TACR3: variants seen among roughly 807,000 people sequenced by gnomAD.
The protein encoded by TACR3 is tachykinin receptor 3.
In TACR3, 34 loss-of-function variants were observed where a neutral mutation model predicts 35.0. The observed-to-expected ratio is 0.97, with a 90% CI of 0.74 to 1.30. The LOEUF (loss-of-function observed/expected upper bound fraction) is 1.30. TACR3 is among the 50% of genes most tolerant of loss of function. The pLI, the probability that TACR3 is intolerant of heterozygous loss-of-function variation, is 0.00. For missense variants in TACR3, 558 were observed against 591.7 expected, an observed-to-expected ratio of 0.94 and a Z score of 0.59; for synonymous variants, 233 against 221.1, an observed-to-expected ratio of 1.05 and a Z score of -0.48.
chr4:103,669,473 G>A (rs1176887800), intron 1 of TACR3, among the ~76,000 whole-genome samples: 1 of 151,998 alleles, frequency 6.6e-6, no homozygotes, highest in Non-Finnish European at 1.5e-5. Flanking sequence ...GTTCATGAGT[G>A]TTTCCTTTGT....
At chr4:103,688,914 A>T (rs903819601) in intron 1 of TACR3, among the ~76,000 whole-genome samples, 7 of 152,144 alleles carry the variant, frequency 4.6e-5, no homozygotes, top group Non-Finnish European at 1.0e-4. Flanking sequence ...TACCCAAAGG[A>T]CTATAAATCA....
intron 1 of TACR3, among the ~76,000 whole-genome samples, chr4:103,678,714 G>T (rs1256669138): frequency 1.3e-5 from 2 of 151,292 alleles, no homozygotes; most frequent in Non-Finnish European, 2.9e-5. Context: ...AGATTAAGTG[G>T]ATAGAAAATG....
chr4:103,648,598 G>A (rs76036873), intron 3 of TACR3, among the ~76,000 whole-genome samples: 12,519 of 152,054 alleles, frequency 0.082, 575 homozygotes, highest in South Asian at 0.11. Context: ...TTCCATCCAT[G>A]TTGTTGCAAG....
At chr4:103,625,957 C>T (rs754819523) in intron 3 of TACR3, among the ~76,000 whole-genome samples, 49 of 152,250 alleles carry the variant, frequency 3.2e-4, no homozygotes, top group Admixed American at 1.8e-3. Flanking sequence ...ACATGAAGAT[C>T]CCAGAGGGAT....
chr4:103,600,654 AT>A (rs1174756702), intron 3 of TACR3, among the ~76,000 whole-genome samples: 1 of 151,996 alleles, frequency 6.6e-6, no homozygotes, highest in Non-Finnish European at 1.5e-5. Flanking sequence ...ATTCTGGTAT[AT>A]TGTGTCTTTG....
rs144405973 is a variant in TACR3 at position 103,663,458 on chromosome 4, C to T, written c.549-5055G>A. Among the ~76,000 whole-genome samples the T allele has an allele frequency of 4.1e-3, 627 of 152,154 alleles. 2 individuals carry two copies. The highest frequency in any genetic ancestry group is 0.014 in the African/African-American group (596 of 41,526). ...GCAGTGAGCAGAGATCACATCACTG[C>T]CCTCCAGCCTGAGTGACAGAGCAAG... On this transcript the variant is annotated intron_variant, in intron 1 of 4. Coordinates refer to ENST00000304883, the MANE Select transcript of TACR3 (RefSeq NM_001059.3).
intron 1 of TACR3, among the ~76,000 whole-genome samples, chr4:103,660,248 A>G (rs1725813191): frequency 6.6e-6 from 1 of 152,028 alleles, no homozygotes; most frequent in Non-Finnish European, 1.5e-5. Flanking sequence ...AACAGCCATT[A>G]GGTAAACATG....
intron 3 of TACR3, among the ~76,000 whole-genome samples, chr4:103,607,024 A>T (rs942622876): frequency 6.6e-6 from 1 of 152,162 alleles, no homozygotes; most frequent in Non-Finnish European, 1.5e-5. Context: ...GAGAGTTTTT[A>T]GCATGAAGGG....
intron 3 of TACR3, among the ~76,000 whole-genome samples, chr4:103,648,648 T>C (rs773926888): frequency 1.3e-5 from 2 of 152,100 alleles, no homozygotes; most frequent in African/African-American, 2.4e-5. Context: ...AAGTACTCCA[T>C]TGTGTATATG....
intron 3 of TACR3, among the ~76,000 whole-genome samples, chr4:103,637,068 A>G (rs4593136): frequency 0.028 from 4,285 of 152,140 alleles, 212 homozygotes; most frequent in African/African-American, 0.097. Context: ...AAAAGAGGGA[A>G]TCCTCCCTAA....
At chr4:103,595,443 C>A (rs1456647118) in intron 3 of TACR3, among the ~76,000 whole-genome samples, 1 of 152,110 alleles carries the variant, frequency 6.6e-6, no homozygotes, top group Non-Finnish European at 1.5e-5. Context: ...AGTTAAGAAT[C>A]TAACTACGTA....
At chr4:103,594,370 G>C (rs1018053368) in intron 3 of TACR3, among the ~76,000 whole-genome samples, 2 of 152,020 alleles carry the variant, frequency 1.3e-5, no homozygotes, top group Non-Finnish European at 2.9e-5. Flanking sequence ...TAGAGACAGG[G>C]TGTTACCATA....
At chr4:103,639,449 G>C (rs1160444139) in intron 3 of TACR3, among the ~76,000 whole-genome samples, 2 of 152,022 alleles carry the variant, frequency 1.3e-5, no homozygotes, top group Non-Finnish European at 2.9e-5. Flanking sequence ...TGTGGGGTGG[G>C]GAGAGGGGGG....
In TACR3 at chr4:103,677,878, A is replaced by T. The variant is rs552854835; in HGVS notation, c.549-19475T>A. 3.7e-4 allele frequency among the ~76,000 whole-genome samples: 57 copies of T among 152,070 alleles called. 1 individual carries two copies. The highest frequency in any genetic ancestry group is 5.9e-5 in the Non-Finnish European group (4 of 68,004). On this transcript the variant is annotated intron_variant, in intron 1 of 4. Coordinates refer to ENST00000304883, the MANE Select transcript of TACR3 (RefSeq NM_001059.3). ...CCTTGATCATAAAATAAAAGCTGGA[A>T]ATAAGAAAAAAGAAAAAAGGTGGTT...
chr4:103,640,158 TGTA>T, intron 3 of TACR3, among the ~76,000 whole-genome samples: 1 of 152,028 alleles, frequency 6.6e-6, no homozygotes, highest in Non-Finnish European at 1.5e-5. Context: ...GATATCAAGA[TGTA>T]GTAGACCAGT....
At chr4:103,612,071 C>G (rs918536255) in intron 3 of TACR3, among the ~76,000 whole-genome samples, 3 of 152,158 alleles carry the variant, frequency 2.0e-5, no homozygotes, top group African/African-American at 4.8e-5. Flanking sequence ...AGATTACCCT[C>G]TACTTAAAAT....
At chr4:103,695,709 C>CTG (rs1337438362) in intron 1 of TACR3, among the ~76,000 whole-genome samples, 105 of 139,290 alleles carry the variant, frequency 7.5e-4, no homozygotes, top group Admixed American at 4.2e-3. Context: ...ATGTCTCTCT[C>CTG]TCTGTGTGTG....
chr4:103,636,862 C>T lies in TACR3; in HGVS notation c.888+19332G>A, dbSNP rs183254445. On this transcript the variant is annotated intron_variant, in intron 3 of 4. Coordinates refer to ENST00000304883, the MANE Select transcript of TACR3 (RefSeq NM_001059.3). ...GAAGAAATGGATAAATTCCTCGACA[C>T]ATACATCCTCCCAATACTAAACCAG... is the stretch of plus-strand genomic sequence containing the variant. Among the ~76,000 whole-genome samples, 7 of 152,226 alleles carry T rather than the reference C, an allele frequency of 4.6e-5. No individual in the cohort carries two copies. In the East Asian group the frequency reaches 1.4e-3, roughly 29 times the overall value.
At chr4:103,642,338 CAATT>C (rs1268020595) in intron 3 of TACR3, among the ~76,000 whole-genome samples, 1 of 142,270 alleles carries the variant, frequency 7.0e-6, no homozygotes, top group Non-Finnish European at 1.6e-5. Context: ...TATTATTTGT[CAATT>C]AAAAAATGAG....
Sources: allele counts gnomAD v4.1 joint callset (sites outside exome capture counted in the v4.1 genomes callset), GRCh38; gene constraint gnomAD v4.1.1; transcripts MANE v1.5; gene names NCBI Gene and HGNC (gene_info 2026-07-23, HGNC 2026-07-21).